Variants in TENM4 observed in about 807,000 individuals in gnomAD.
TENM4 encodes the protein teneurin-4.
In TENM4, 82 loss-of-function variants were observed where a neutral mutation model predicts 243.3. That is an observed-to-expected ratio of 0.34 (90% CI 0.28 to 0.40). The LOEUF (loss-of-function observed/expected upper bound fraction) is 0.40, where lower values mean the gene tolerates loss of function less well. TENM4 is among the 10% of genes least tolerant of loss of function. The pLI is 1.00. For synonymous variants in TENM4, 1,412 were observed against 1,456.3 expected, an observed-to-expected ratio of 0.97 and a Z score of 0.69; for missense variants, 3,138 against 3,673.3, an observed-to-expected ratio of 0.85 and a Z score of 3.77.
intron 2 of TENM4, among the ~76,000 whole-genome samples, chr11:79,287,269 G>A (rs1019651547): frequency 1.3e-5 from 2 of 152,062 alleles, no homozygotes; most frequent in African/African-American, 4.8e-5. Flanking sequence ...GAACATTCTT[G>A]GTTACATGCC....
chr11:78,668,100 C>T (rs972234199), intron 32 of TENM4, among the ~76,000 whole-genome samples: 6 of 152,196 alleles, frequency 3.9e-5, no homozygotes, highest in African/African-American at 9.7e-5. Flanking sequence ...CCAGGCACTG[C>T]GCTAAGTACC....
At chr11:78,824,143 T>G (rs1857798111) in intron 12 of TENM4, among the ~76,000 whole-genome samples, 1 of 152,188 alleles carries the variant, frequency 6.6e-6, no homozygotes. Flanking sequence ...GCATGCTGTA[T>G]TAGTCTGTCC....
At chr11:79,245,462 C>T (rs1019076227) in intron 2 of TENM4, among the ~76,000 whole-genome samples, 1 of 152,168 alleles carries the variant, frequency 6.6e-6, no homozygotes, top group African/African-American at 2.4e-5. Flanking sequence ...TCCCTGGCTC[C>T]ACTACCTACT....
chr11:78,740,378 C>G (rs2135908325), intron 19 of TENM4, among the ~76,000 whole-genome samples: 1 of 151,746 alleles, frequency 6.6e-6, no homozygotes. Flanking sequence ...CCCTCCTCAC[C>G]TCACTCCACA....
At chr11:79,319,312 T>C (rs904429672) in intron 1 of TENM4, among the ~76,000 whole-genome samples, 1 of 151,936 alleles carries the variant, frequency 6.6e-6, no homozygotes, top group African/African-American at 2.4e-5. Flanking sequence ...ATTTGTAAAG[T>C]ATAAAAAAAA....
chr11:79,322,343 C>T (rs1429349120), intron 1 of TENM4, among the ~76,000 whole-genome samples: 2 of 152,206 alleles, frequency 1.3e-5, no homozygotes, highest in Non-Finnish European at 2.9e-5. Context: ...TCTACTGTTG[C>T]TGTCATTAAA....
At chr11:79,204,302 G>A (rs66815816) in intron 3 of TENM4, among the ~76,000 whole-genome samples, 58,067 of 152,074 alleles carry the variant, frequency 0.38, 11,632 homozygotes, top group Middle Eastern at 0.45. Context: ...GCTATTTTTA[G>A]AAAGTGATGG....
intron 1 of TENM4, among the ~76,000 whole-genome samples, chr11:79,408,096 G>T (rs1448046881): frequency 1.3e-5 from 2 of 151,982 alleles, no homozygotes; most frequent in Non-Finnish European, 1.5e-5. Flanking sequence ...TACAGACATG[G>T]TTTCATCATT....
rs555360632 is a variant in TENM4 at position 78,730,046 on chromosome 11, T to C, written c.3139-403A>G. Among the ~76,000 whole-genome samples the C allele has an allele frequency of 7.3e-4, 111 of 152,318 alleles. No homozygotes were observed. In the Middle Eastern group the frequency reaches 0.017, roughly 23 times the overall value. Reference sequence around the variant, plus strand: ...GAATACATAGGATATGCATATAAAATACTTAGATCACATTGCCACTGGTTC... The same window carrying C: ...GAATACATAGGATATGCATATAAAACACTTAGATCACATTGCCACTGGTTC... On this transcript the variant is annotated intron_variant, in intron 21 of 33. Coordinates refer to ENST00000278550, the MANE Select transcript of TENM4 (RefSeq NM_001098816.3).
chr11:78,846,783 A>AG (rs1858404369), intron 12 of TENM4, among the ~76,000 whole-genome samples: 1 of 152,226 alleles, frequency 6.6e-6, no homozygotes, highest in Admixed American at 6.5e-5. Context: ...ACACAGTAAG[A>AG]GGGGGTCTCA....
intron 6 of TENM4, among the ~76,000 whole-genome samples, chr11:79,043,386 T>C (rs916945661): frequency 3.9e-5 from 6 of 152,164 alleles, no homozygotes; most frequent in Admixed American, 1.3e-4. Flanking sequence ...AATTCAGGCC[T>C]ATGGGCTGTG....
rs545959759 is a variant in TENM4, at chr11:78,932,249, CAAT to C, written c.494-28729_494-28727del. Among the ~76,000 whole-genome samples the C allele has an allele frequency of 2.8e-3, 427 of 152,316 alleles. 3 individuals carry two copies. Among genetic ancestry groups the C allele is most frequent in the African/African-American group, 9.7e-3 (402 of 41,570 alleles). On this transcript the variant is annotated intron_variant, in intron 6 of 33. Coordinates refer to ENST00000278550, the MANE Select transcript of TENM4 (RefSeq NM_001098816.3). Reference sequence around the variant, plus strand: ...CACAATAAACAAGTCAGAAAAACAACAATAACCCCCTCACCACCACCCCCAGGT... The same window carrying C: ...CACAATAAACAAGTCAGAAAAACAACAACCCCCTCACCACCACCCCCAGGT...
At chr11:79,235,593 A>T (rs1864450192) in intron 2 of TENM4, among the ~76,000 whole-genome samples, 1 of 152,216 alleles carries the variant, frequency 6.6e-6, no homozygotes, top group Non-Finnish European at 1.5e-5. Flanking sequence ...AGGTTTGGGA[A>T]GGCAGAGAAA....
In TENM4 at chr11:79,438,831, A is replaced by T. The variant is rs1450004225; in HGVS notation, c.-321+1678T>A. 1.3e-5 allele frequency: 2 copies of T among 152,216 alleles called. No homozygotes were observed. The highest frequency in any genetic ancestry group is 4.8e-5 in the African/African-American group (2 of 41,422). 9.4% of individuals were successfully genotyped at this position (152,216 alleles called of 1,614,324 possible). ...CGATCAATTCCGGATGCCCCCACTT[A>T]GTCCCTGCCTCGGTAACCGGTTCTT... On this transcript the variant is annotated intron_variant, in intron 1 of 33. Coordinates refer to ENST00000278550, the MANE Select transcript of TENM4 (RefSeq NM_001098816.3). The surrounding 1 kb of genome is among the most constrained non-coding windows in gnomAD (Gnocchi z 4.1).
intron 3 of TENM4, among the ~76,000 whole-genome samples, chr11:79,149,671 T>C (rs1862463730): frequency 1.3e-5 from 2 of 152,210 alleles, no homozygotes; most frequent in Non-Finnish European, 2.9e-5. Flanking sequence ...CGGCCTAGGA[T>C]ACAGTCCACT....
chr11:78,915,322 C>A (rs1448739828), intron 6 of TENM4, among the ~76,000 whole-genome samples: 1 of 152,136 alleles, frequency 6.6e-6, no homozygotes, highest in Non-Finnish European at 1.5e-5. Flanking sequence ...TGAGTTATCA[C>A]CATTTGTTTA....
chr11:79,056,668 A>G (rs1366919062), intron 6 of TENM4, among the ~76,000 whole-genome samples: 1 of 152,152 alleles, frequency 6.6e-6, no homozygotes, highest in Non-Finnish European at 1.5e-5. Flanking sequence ...CTCATGTGGA[A>G]GATAAGGCAA....
At chr11:79,144,054 G>A (rs1244218164) in intron 4 of TENM4, among the ~76,000 whole-genome samples, 1 of 152,022 alleles carries the variant, frequency 6.6e-6, no homozygotes, top group Non-Finnish European at 1.5e-5. Flanking sequence ...CTATTCATCT[G>A]ACGACGCATT....
intron 6 of TENM4, among the ~76,000 whole-genome samples, chr11:78,951,627 A>G (rs970944510): frequency 1.3e-5 from 2 of 152,142 alleles, no homozygotes; most frequent in Admixed American, 6.5e-5. Context: ...TGGCTTGTAG[A>G]TGGTCACTTT....
Sources: allele counts gnomAD v4.1 joint callset (sites outside exome capture counted in the v4.1 genomes callset), GRCh38; gene constraint gnomAD v4.1.1; non-coding constraint Gnocchi (gnomAD v3.1); transcripts MANE v1.5; gene names NCBI Gene and HGNC (gene_info 2026-07-23, HGNC 2026-07-21).